The following MAP1B variants were observed in gnomAD, a reference collection of about 807,000 sequenced individuals.
MAP1B encodes the protein microtubule associated protein 1B.
A neutral mutation model predicts 176.1 loss-of-function variants in MAP1B; 12 were observed. The observed-to-expected ratio is 0.07, with a 90% CI of 0.04 to 0.11. The LOEUF is 0.11. Ranked by LOEUF, MAP1B falls within the 10% of genes least tolerant of loss-of-function variation. The pLI is 1.00. For missense variants in MAP1B, 2,523 were observed against 2,990.5 expected, an observed-to-expected ratio of 0.84 and a Z score of 3.65; for synonymous variants, 1,044 against 1,135.0, an observed-to-expected ratio of 0.92 and a Z score of 1.61.
Position 72,195,946 on chromosome 5 carries a change from A to T in MAP1B, c.2591A>T (p.Glu864Val). The T allele has an allele frequency of 6.2e-7, 1 of 1,614,226 alleles. No individual in the cohort carries two copies. Among genetic ancestry groups the T allele is most frequent in the Non-Finnish European group, 8.5e-7 (1 of 1,180,036 alleles). The change falls in exon 5 of 7, where the codon GAA (glutamate) becomes GTA (valine). Residue 864 changes from glutamate (E) to valine (V), a missense_variant. Glu to Val is a moderately radical substitution (Grantham distance 121). Transcript: ENST00000296755. ...CCTCAGCTGGAGCTAATCGAAGACGAAGAGAAACTGAAGGAAACTGAGCCA... is the reference window on the plus strand; with the variant it reads ...CCTCAGCTGGAGCTAATCGAAGACGTAGAGAAACTGAAGGAAACTGAGCCA... ...IKPQLELIED[E>V]EKLKETEPVE...
chr5:72,199,738 G>A lies in MAP1B; in HGVS notation c.6383G>A (p.Gly2128Glu), dbSNP rs749257822. 1 of 1,614,086 alleles carries A rather than the reference G, an allele frequency of 6.2e-7. No individual in the cohort carries two copies. Among genetic ancestry groups the A allele is most frequent in the Non-Finnish European group, 8.5e-7 (1 of 1,180,018 alleles). The change falls in exon 5 of 7, where the codon GGA becomes GAA. Residue 2128 changes from glycine (G) to glutamate (E), a missense_variant. Gly to Glu is a moderately conservative substitution (Grantham distance 98). Transcript: ENST00000296755. The surrounding 1 kb of genome is among the most constrained non-coding windows in gnomAD (Gnocchi z 4.2). ...GAAAAGCCCCTCACTCAATCAGGGGGAGCCCCACCGCCTCCAGGAGGAAAG... is the reference window on the plus strand; with the variant it reads ...GAAAAGCCCCTCACTCAATCAGGGGAAGCCCCACCGCCTCCAGGAGGAAAG... Reference protein sequence around the residue: ...ESEKPLTQSGGAPPPPGGKQQ... With the variant: ...ESEKPLTQSGEAPPPPGGKQQ...
At chr5:72,121,379 T>C (rs940232274) in intron 2 of MAP1B, among the ~76,000 whole-genome samples, 9 of 152,254 alleles carry the variant, frequency 5.9e-5, no homozygotes, top group Admixed American at 5.9e-4. Flanking sequence ...TTACATTTTG[T>C]CACTAGTTTT....
Position 72,197,084 on chromosome 5 carries a change from C to T in MAP1B, c.3729C>T (p.Ile1243=), listed in dbSNP as rs138304320. ...CCACTTTGGACATCAAAGATAGCAT[C>T]TCAGCTGTTTCAAGTGAAAAGGTCA... ...ASTTLDIKDS[I]SAVSSEKVSP... is the part of the protein sequence containing the mutation. The change falls in exon 5 of 7, where the codon ATC becomes ATT. Residue 1243 remains isoleucine, a synonymous_variant. Coordinates refer to ENST00000296755, the MANE Select transcript of MAP1B (RefSeq NM_005909.5). The T allele has an allele frequency of 2.4e-5, 39 of 1,614,198 alleles. No individual in the cohort carries two copies. The East Asian group carries it at 8.7e-4, about 36-fold the overall frequency.
chr5:72,195,726 G>T lies in MAP1B; in HGVS notation c.2371G>T (p.Ala791Ser), dbSNP rs1306226865. ...KIKVIKKEGK[A>S]AEAVAAAVGT... is the part of the protein sequence containing the mutation. The stretch of plus-strand genomic sequence containing the variant: ...AAAAGTCATTAAGAAGGAAGGCAAG[G>T]CCGCAGAGGCTGTCGCTGCAGCTGT... Residue 791 changes from alanine (A) to serine (S), a missense_variant, in exon 5 of 7, where the codon GCC becomes TCC. Transcript: ENST00000296755. The T allele has an allele frequency of 6.2e-6, 10 of 1,614,234 alleles. No homozygotes were observed. The highest frequency in any genetic ancestry group is 3.3e-5 in the Admixed American group (2 of 60,032).
At chr5:72,133,552 C>T (rs1259298137) in intron 2 of MAP1B, among the ~76,000 whole-genome samples, 1 of 152,180 alleles carries the variant, frequency 6.6e-6, no homozygotes, top group Non-Finnish European at 1.5e-5. Flanking sequence ...TGGGCTTCAC[C>T]TCATGCACAA....
chr5:72,183,702 GCTAAAGGT>G, intron 2 of MAP1B, 33 bp from the exon 3 acceptor site: 1 of 1,540,828 alleles, frequency 6.5e-7, no homozygotes, highest in Non-Finnish European at 9.0e-7. Context: ...ATCTGGAAAA[GCTAAAGGT>G]CTCCTCTTTT....
chr5:72,125,362 A>G (rs1280708807), intron 2 of MAP1B, among the ~76,000 whole-genome samples: 1 of 152,114 alleles, frequency 6.6e-6, no homozygotes, highest in East Asian at 1.9e-4. Context: ...GAGAGAGAGA[A>G]AACCTTATCT....
chr5:72,141,137 C>G (rs1030969601), intron 2 of MAP1B, among the ~76,000 whole-genome samples: 1 of 152,190 alleles, frequency 6.6e-6, no homozygotes, highest in African/African-American at 2.4e-5. Context: ...CCACCTCAAA[C>G]TCTTTTACCT....
At chr5:72,121,779 A>G (rs888804378) in intron 2 of MAP1B, among the ~76,000 whole-genome samples, 1 of 152,240 alleles carries the variant, frequency 6.6e-6, no homozygotes, top group African/African-American at 2.4e-5. Context: ...GCTTAATTGT[A>G]TGTGCCTAGA....
In MAP1B at chr5:72,186,763, G is replaced by A. The variant is rs758090609; in HGVS notation, c.510+9G>A. On this transcript the variant is annotated intron_variant, in intron 4 of 6. Coordinates refer to ENST00000296755, the MANE Select transcript of MAP1B (RefSeq NM_005909.5). This position sits in a 1 kb window ranked among gnomAD's most constrained non-coding sequence, Gnocchi z 4.3. ...TTTTCACCGATCAAGAGGTAGGTTC[G>A]TGTCTGAGAATATCTGTGCTTCTAG... is the stretch of plus-strand genomic sequence containing the variant. 66 of 1,613,728 alleles carry A rather than the reference G, an allele frequency of 4.1e-5. No homozygotes were observed. The highest frequency in any genetic ancestry group is 1.2e-4 in the African/African-American group (9 of 74,932).
Position 72,107,721 on chromosome 5 carries a change from T to C in MAP1B, c.184+6T>C. ...CATCGGCAACATCGAGCTCGGTAAGTGGCCCCGCGCCCCCAGAGACGCGCG... is the reference window on the plus strand; with the variant it reads ...CATCGGCAACATCGAGCTCGGTAAGCGGCCCCGCGCCCCCAGAGACGCGCG... On this transcript the variant is annotated splice_donor_region_variant and intron_variant, in intron 1 of 6. Transcript: ENST00000296755. The C allele has an allele frequency of 2.5e-6, 4 of 1,598,296 alleles. No individual in the cohort carries two copies. Among genetic ancestry groups the C allele is most frequent in the African/African-American group, 1.3e-5 (1 of 74,854 alleles).
chr5:72,108,794 T>C (rs1375650095), intron 1 of MAP1B, among the ~76,000 whole-genome samples: 1 of 152,170 alleles, frequency 6.6e-6, no homozygotes, highest in Non-Finnish European at 1.5e-5. Context: ...TGCCTGGCTT[T>C]GTTGCCCTGG....
At chr5:72,110,756 A>G (rs2112111436) in intron 1 of MAP1B, among the ~76,000 whole-genome samples, 1 of 152,150 alleles carries the variant, frequency 6.6e-6, no homozygotes, top group East Asian at 1.9e-4. Flanking sequence ...GGGTTTGGAG[A>G]CCCTGGCGAC....
chr5:72,195,768 A>G lies in MAP1B; in HGVS notation c.2413A>G (p.Thr805Ala). The change falls in exon 5 of 7, where the codon ACA becomes GCA. Residue 805 changes from threonine (T) to alanine (A), a missense_variant. By Grantham distance (58) the Thr-to-Ala change is moderately conservative. Transcript: ENST00000296755. Reference sequence around the variant, plus strand: ...TGCAGCTGTCGGCACTGGAGCCACCACAGCAGCTGTCATGGCGGCAGCTGG... The same window carrying G: ...TGCAGCTGTCGGCACTGGAGCCACCGCAGCAGCTGTCATGGCGGCAGCTGG... Reference protein sequence around the residue: ...VAAAVGTGATTAAVMAAAGIA... With the variant: ...VAAAVGTGATAAAVMAAAGIA... The G allele has an allele frequency of 6.2e-7, 1 of 1,614,280 alleles. No homozygotes were observed. The highest frequency in any genetic ancestry group is 8.5e-7 in the Non-Finnish European group (1 of 1,180,052).
chr5:72,160,146 G>A (rs1746300742), intron 2 of MAP1B, among the ~76,000 whole-genome samples: 1 of 151,034 alleles, frequency 6.6e-6, no homozygotes, highest in Non-Finnish European at 1.5e-5. Flanking sequence ...GAATCAGAAG[G>A]TAGGAGGGAG....
intron 1 of MAP1B, among the ~76,000 whole-genome samples, chr5:72,111,220 A>T (rs1745331994): frequency 6.6e-6 from 1 of 152,210 alleles, no homozygotes; most frequent in African/African-American, 2.4e-5. Context: ...GTGTCTTGCA[A>T]ACTGAATTCT....
chr5:72,108,901 G>A (rs1333848613), intron 1 of MAP1B, among the ~76,000 whole-genome samples: 1 of 152,152 alleles, frequency 6.6e-6, no homozygotes, highest in South Asian at 2.1e-4. Context: ...GGGTCCCTCC[G>A]CAGCCCCAGC....
chr5:72,198,587 T>C lies in MAP1B; in HGVS notation c.5232T>C (p.Pro1744=). ...ATACCCCTTCTCAGATCGCTTCTCC[T>C]CTCCAAGAAGATACTCTATCCGATG... The part of the protein sequence containing the change: ...SAHTPSQIAS[P]LQEDTLSDVA... The change falls in exon 5 of 7, where the codon CCT becomes CCC. Residue 1744 remains proline (P), a synonymous_variant. Coordinates refer to ENST00000296755, the MANE Select transcript of MAP1B (RefSeq NM_005909.5). The C allele has an allele frequency of 6.2e-7, 1 of 1,614,050 alleles. No homozygotes were observed. Among genetic ancestry groups the C allele is most frequent in the Non-Finnish European group, 8.5e-7 (1 of 1,180,016 alleles).
rs1747405057 is a variant in MAP1B at position 72,204,686 on chromosome 5, AT to A, written c.7252-397del. On this transcript the variant is annotated intron_variant, in intron 6 of 6. Coordinates refer to ENST00000296755, the MANE Select transcript of MAP1B (RefSeq NM_005909.5). This position sits in a 1 kb window ranked among gnomAD's most constrained non-coding sequence, Gnocchi z 4.4. Reference sequence around the variant, plus strand: ...CAGGACAAAATGTTAGTTACTCACAATGAGTGGGCTTTTGAGGGCTTTGAAG... The same window carrying A: ...CAGGACAAAATGTTAGTTACTCACAAGAGTGGGCTTTTGAGGGCTTTGAAG... Among the ~76,000 whole-genome samples, 2 of 152,196 alleles carry A rather than the reference AT, an allele frequency of 1.3e-5. No homozygotes were observed. The highest frequency in any genetic ancestry group is 1.3e-4 in the Admixed American group (2 of 15,280).
Sources: allele counts gnomAD v4.1 joint callset (sites outside exome capture counted in the v4.1 genomes callset), GRCh38; gene constraint gnomAD v4.1.1; non-coding constraint Gnocchi (gnomAD v3.1); transcripts MANE v1.5; gene names NCBI Gene and HGNC (gene_info 2026-07-23, HGNC 2026-07-21).